IL1RL1: variants seen among roughly 807,000 people sequenced by gnomAD.
IL1RL1 encodes the protein interleukin-1 receptor-like 1.
Under a neutral mutation model 50.9 loss-of-function variants are expected in IL1RL1, and 32 were observed. The ratio of observed to expected loss-of-function variants is 0.63; its 90% CI spans 0.47 to 0.84. The LOEUF is 0.84. Ranked by LOEUF, IL1RL1 falls within the 40% of genes least tolerant of loss-of-function variation. The pLI is 0.00. For missense variants in IL1RL1, 773 were observed against 662.9 expected, an observed-to-expected ratio of 1.17 and a Z score of -1.82; for synonymous variants, 275 against 236.0, an observed-to-expected ratio of 1.17 and a Z score of -1.51.
chr2:102,328,816 C>G (rs1485273166), intron 1 of IL1RL1, among the ~76,000 whole-genome samples: 1 of 152,156 alleles, frequency 6.6e-6, no homozygotes, highest in Non-Finnish European at 1.5e-5. Context: ...GAACTGCAAA[C>G]CACTGCTCAA....
intron 1 of IL1RL1, among the ~76,000 whole-genome samples, chr2:102,312,570 A>G (rs1177687375): frequency 1.3e-5 from 2 of 152,152 alleles, no homozygotes; most frequent in Admixed American, 1.3e-4. Flanking sequence ...AAGGAAAAAA[A>G]CAAAACAAAT....
At chr2:102,349,353 G>C (rs1394180835) in intron 10 of IL1RL1, 107 bp downstream of exon 10, 1 of 830,992 alleles carries the variant, frequency 1.2e-6, no homozygotes, top group East Asian at 2.5e-5. Flanking sequence ...TACTACCACA[G>C]GCCTTAAGAC....
chr2:102,327,237 C>A (rs978691075), intron 1 of IL1RL1, among the ~76,000 whole-genome samples: 1 of 152,048 alleles, frequency 6.6e-6, no homozygotes, highest in Non-Finnish European at 1.5e-5. Context: ...AACTGAACAA[C>A]CTGCTCCTGA....
intron 1 of IL1RL1, among the ~76,000 whole-genome samples, chr2:102,334,362 A>G (rs13019081): frequency 1.3e-4 from 19 of 151,682 alleles, no homozygotes; most frequent in African/African-American, 4.6e-4. Context: ...GAGTGGGCCT[A>G]GAGTTTGGAG....
At chr2:102,331,841 G>A (rs999839280) in intron 1 of IL1RL1, among the ~76,000 whole-genome samples, 5 of 152,170 alleles carry the variant, frequency 3.3e-5, no homozygotes, top group African/African-American at 1.2e-4. Flanking sequence ...GTCAAGGTTG[G>A]TGGATCTCTT....
chr2:102,341,551 T>C (rs760118668), intron 5 of IL1RL1, among the ~76,000 whole-genome samples: 7 of 152,150 alleles, frequency 4.6e-5, no homozygotes, highest in Non-Finnish European at 8.8e-5. Context: ...AAAGCAATAT[T>C]GGAGACAAAT....
intron 10 of IL1RL1, 99 bp downstream of exon 10, chr2:102,349,345 C>A: frequency 1.1e-6 from 1 of 898,768 alleles, no homozygotes; most frequent in Non-Finnish European, 1.8e-6. Context: ...ATTGCATTTA[C>A]TACCACAGGC....
At chr2:102,324,073 T>C (rs1290459157) in intron 1 of IL1RL1, among the ~76,000 whole-genome samples, 1 of 149,870 alleles carries the variant, frequency 6.7e-6, no homozygotes, top group African/African-American at 2.4e-5. Context: ...TTTAGCCATA[T>C]ATGTGCTGAC....
At chr2:102,320,462 C>G (rs942328273) in intron 1 of IL1RL1, among the ~76,000 whole-genome samples, 4 of 152,158 alleles carry the variant, frequency 2.6e-5, no homozygotes, top group African/African-American at 9.7e-5. Context: ...TTCATCTATA[C>G]AGTGACATAT....
intron 1 of IL1RL1, among the ~76,000 whole-genome samples, chr2:102,321,127 G>T (rs966684037): frequency 6.6e-6 from 1 of 152,202 alleles, no homozygotes; most frequent in African/African-American, 2.4e-5. Flanking sequence ...TTCGACCTGG[G>T]CTGTTTATTA....
chr2:102,321,809 G>C (rs1282154657), intron 1 of IL1RL1, among the ~76,000 whole-genome samples: 1 of 152,214 alleles, frequency 6.6e-6, no homozygotes, highest in African/African-American at 2.4e-5. Context: ...TAGCAAATTT[G>C]AGATGATGGA....
intron 1 of IL1RL1, chr2:102,313,483 G>C (rs1044085917): frequency 6.6e-6 from 1 of 152,196 alleles, no homozygotes; most frequent in African/African-American, 2.4e-5. Context: ...GTGCCTCTGT[G>C]TTTGGAGATG....
chr2:102,325,356 C>T (rs1676965755), intron 1 of IL1RL1, among the ~76,000 whole-genome samples: 1 of 152,130 alleles, frequency 6.6e-6, no homozygotes, highest in Non-Finnish European at 1.5e-5. Flanking sequence ...ATCTGTATGT[C>T]ATCATCATCA....
chr2:102,319,681 C>G (rs1202964845), intron 1 of IL1RL1, among the ~76,000 whole-genome samples: 1 of 152,060 alleles, frequency 6.6e-6, no homozygotes, highest in East Asian at 1.9e-4. Flanking sequence ...TCTTTTGTAT[C>G]TCTCGCCCTC....
At chr2:102,352,291 C>A (rs67088699), downstream of IL1RL1, among the ~76,000 whole-genome samples, 1 of 145,836 alleles carries the variant, frequency 6.9e-6, no homozygotes, top group African/African-American at 2.6e-5. Flanking sequence ...TAGATTTTCA[C>A]GTCACTTGAA....
chr2:102,338,776 T>C, intron 2 of IL1RL1, 61 bp from the exon 3 acceptor site: 1 of 1,288,090 alleles, frequency 7.8e-7, no homozygotes, highest in Non-Finnish European at 1.1e-6. Context: ...ATTGAGAGTA[T>C]AAGAATTATG....
chr2:102,329,729 C>T (rs187995512), intron 1 of IL1RL1, among the ~76,000 whole-genome samples: 301 of 152,256 alleles, frequency 2.0e-3, no homozygotes, highest in African/African-American at 6.5e-3. Flanking sequence ...CCAAAAGACA[C>T]GTGAAAAATT....
intron 1 of IL1RL1, among the ~76,000 whole-genome samples, chr2:102,332,479 A>G (rs12466380): frequency 0.48 from 72,724 of 152,052 alleles, 17,671 homozygotes; most frequent in Middle Eastern, 0.64. Context: ...GTCATTAGAA[A>G]CAATAAAGTA....
chr2:102,348,755 T>C (rs952276361), intron 9 of IL1RL1, among the ~76,000 whole-genome samples: 6 of 152,156 alleles, frequency 3.9e-5, no homozygotes, highest in Non-Finnish European at 7.4e-5. Context: ...AAACCAAAGA[T>C]GAAACCAAAG....
Sources: allele counts gnomAD v4.1 joint callset (sites outside exome capture counted in the v4.1 genomes callset), GRCh38; gene constraint gnomAD v4.1.1; transcripts MANE v1.5; gene names NCBI Gene and HGNC (gene_info 2026-07-23, HGNC 2026-07-21).